The following KRABD3 variants were observed in gnomAD, a reference collection of about 807,000 sequenced individuals.
The protein encoded by KRABD3 is KRAB domain-containing protein 3.
At chr7:149,724,648 G>A in the KRABD3 span, 150 of 1,513,788 alleles carry the variant, frequency 9.9e-5, no homozygotes, top group African/African-American at 2.9e-4. Context: ...GCCTCCTCCC[G>A]CAGGGCCTGG....
chr7:149,723,944 C>A, the KRABD3 span: 6 of 1,589,646 alleles, frequency 3.8e-6, no homozygotes, highest in Non-Finnish European at 5.1e-6. Flanking sequence ...ATTACCCTGC[C>A]CCAGGCAGGG....
the KRABD3 span, chr7:149,734,095 G>T: frequency 6.5e-7 from 1 of 1,544,494 alleles, no homozygotes; most frequent in South Asian, 1.3e-5. Flanking sequence ...AGGGTGCAGT[G>T]GTGGCGTGGA....
At chr7:149,721,193 G>T in the KRABD3 span, among the ~76,000 whole-genome samples, 3 of 152,234 alleles carry the variant, frequency 2.0e-5, no homozygotes, top group East Asian at 5.8e-4. Context: ...CTTTCGCATG[G>T]TGGTTTCTGT....
the KRABD3 span, chr7:149,730,167 C>T: frequency 6.4e-7 from 1 of 1,554,710 alleles, no homozygotes; most frequent in Non-Finnish European, 8.7e-7. Flanking sequence ...CAAGCCCTCC[C>T]CGCTGCACTG....
the KRABD3 span, among the ~76,000 whole-genome samples, chr7:149,716,991 C>T: frequency 5.8e-4 from 88 of 152,274 alleles, no homozygotes; most frequent in Middle Eastern, 3.4e-3. Flanking sequence ...TAGTATGAAA[C>T]AAGGCAGGGA....
chr7:149,724,661 A>T, the KRABD3 span: 4 of 1,531,088 alleles, frequency 2.6e-6, no homozygotes, highest in Admixed American at 2.0e-5. Context: ...GGGCCTGGAT[A>T]CCTCCTGACC....
chr7:149,728,411 C>G, the KRABD3 span: 1 of 1,260,004 alleles, frequency 7.9e-7, no homozygotes, highest in Non-Finnish European at 1.1e-6. Flanking sequence ...TGCTCTGTGC[C>G]CAGCACCCCT....
chr7:149,725,264 C>CCGTATCATTAAAA, the KRABD3 span: 1 of 1,496,138 alleles, frequency 6.7e-7, no homozygotes, highest in East Asian at 2.5e-5. Flanking sequence ...GTCTGATGGG[C>CCGTATCATTAAAA]AAGGCTGGAA....
At chr7:149,727,518 C>T in the KRABD3 span, among the ~76,000 whole-genome samples, 1 of 152,264 alleles carries the variant, frequency 6.6e-6, no homozygotes, top group African/African-American at 2.4e-5. Context: ...CCCTCCTCCT[C>T]CTCACACAGA....
At chr7:149,716,826 A>C in the KRABD3 span, among the ~76,000 whole-genome samples, 1 of 152,116 alleles carries the variant, frequency 6.6e-6, no homozygotes. Flanking sequence ...TAATCATAGC[A>C]CTTAATATTC....
At chr7:149,720,915 G>A in the KRABD3 span, 3 of 1,613,432 alleles carry the variant, frequency 1.9e-6, no homozygotes, top group Admixed American at 1.7e-5. Context: ...GTTTGGAGAA[G>A]TCAAGGGCGC....
At chr7:149,721,647 CCT>C in the KRABD3 span, 1 of 1,180,594 alleles carries the variant, frequency 8.5e-7, no homozygotes. Flanking sequence ...ACTCAGTTCC[CCT>C]GTTGTGCTGT....
chr7:149,730,680 C>T, the KRABD3 span: 104 of 1,319,782 alleles, frequency 7.9e-5, no homozygotes, highest in Non-Finnish European at 9.3e-5. Context: ...GCCAGGGAGT[C>T]CTGCACATTG....
the KRABD3 span, chr7:149,720,229 T>C: frequency 2.3e-6 from 3 of 1,318,242 alleles, no homozygotes; most frequent in South Asian, 1.3e-5. Context: ...CTCACCTCCC[T>C]GCCTCCCCTA....
chr7:149,731,483 CCA>C, the KRABD3 span, among the ~76,000 whole-genome samples: 2 of 152,320 alleles, frequency 1.3e-5, no homozygotes, highest in African/African-American at 4.8e-5. Flanking sequence ...GGCAGGAACA[CCA>C]CACACACACG....
the KRABD3 span, chr7:149,719,683 G>A: frequency 6.2e-7 from 1 of 1,602,538 alleles, no homozygotes; most frequent in Non-Finnish European, 8.5e-7. This position sits in a 1 kb window ranked among gnomAD's most constrained non-coding sequence, Gnocchi z 5.6. Flanking sequence ...GTAAGGACGG[G>A]AGGGAGCAGC....
At chr7:149,729,764 G>T in the KRABD3 span, 6 of 985,268 alleles carry the variant, frequency 6.1e-6, no homozygotes, top group African/African-American at 1.0e-4. Context: ...AGACGAGGAT[G>T]GGCCCTAACT....
the KRABD3 span, among the ~76,000 whole-genome samples, chr7:149,717,223 CA>C: frequency 6.6e-6 from 1 of 152,224 alleles, no homozygotes; most frequent in Non-Finnish European, 1.5e-5. Context: ...TGCCATGAAC[CA>C]AAATTCCAGA....
the KRABD3 span, chr7:149,725,226 A>G: frequency 7.5e-7 from 1 of 1,338,606 alleles, no homozygotes; most frequent in East Asian, 2.6e-5. Flanking sequence ...ACCCCTGTAG[A>G]AAGCACGTCG....
Sources: gnomAD v4.1 joint callset for allele counts (sites outside exome capture counted in the v4.1 genomes callset) on GRCh38, gnomAD v4.1.1 for gene constraint, Gnocchi (gnomAD v3.1) non-coding constraint, MANE v1.5 for transcripts, NCBI Gene and HGNC (gene_info 2026-07-23, HGNC 2026-07-21) for gene names.